The following VAV3 variants were observed in gnomAD, a reference collection of about 807,000 sequenced individuals.
VAV3 encodes the protein guanine nucleotide exchange factor VAV3.
In VAV3, 94 loss-of-function variants were observed where a neutral mutation model predicts 131.2. The observed-to-expected ratio is 0.72, with a 90% CI of 0.61 to 0.85. VAV3 has a LOEUF of 0.85. Among genes scored for constraint, VAV3 ranks in the 40% least tolerant of loss-of-function variants. VAV3 has a pLI of 0.00. For missense variants in VAV3, 939 were observed against 1,002.7 expected (o/e 0.94, Z 0.86); for synonymous variants, 349 against 342.0 (o/e 1.02, Z -0.22).
chr1:107,690,738 CT>C, intron 17 of VAV3, among the ~76,000 whole-genome samples: 1 of 152,154 alleles, frequency 6.6e-6, no homozygotes, highest in East Asian at 1.9e-4. Context: ...TGAAAAGGGG[CT>C]TTGTGCTGGA....
At chr1:107,871,458 C>CA (rs1008503379) in intron 2 of VAV3, among the ~76,000 whole-genome samples, 5 of 151,288 alleles carry the variant, frequency 3.3e-5, no homozygotes, top group Admixed American at 1.3e-4. Flanking sequence ...TCTGCTGACT[C>CA]TTAAATGAGT....
intron 17 of VAV3, among the ~76,000 whole-genome samples, chr1:107,693,818 A>T (rs1659585816): frequency 6.6e-6 from 1 of 152,200 alleles, no homozygotes; most frequent in African/African-American, 2.4e-5. Context: ...ACAGGGGTAG[A>T]GACAGACACC....
intron 2 of VAV3, among the ~76,000 whole-genome samples, chr1:107,848,193 G>A (rs1669055001): frequency 6.6e-6 from 1 of 151,742 alleles, no homozygotes; most frequent in African/African-American, 2.4e-5. Context: ...GGTGCCTGTA[G>A]TCCCAGCTAA....
chr1:107,620,136 A>T (rs1490722354), intron 20 of VAV3, among the ~76,000 whole-genome samples: 1 of 152,190 alleles, frequency 6.6e-6, no homozygotes, highest in Non-Finnish European at 1.5e-5. Context: ...GGCATAAGGG[A>T]TAATCTCTCA....
chr1:107,849,842 G>C (rs1170435192), intron 2 of VAV3, among the ~76,000 whole-genome samples: 1 of 152,132 alleles, frequency 6.6e-6, no homozygotes, highest in Non-Finnish European at 1.5e-5. Context: ...CTAATATCCA[G>C]AATCTACAAG....
intron 2 of VAV3, among the ~76,000 whole-genome samples, chr1:107,820,274 G>A (rs541120380): frequency 2.6e-4 from 40 of 152,188 alleles, no homozygotes; most frequent in South Asian, 1.2e-3. Flanking sequence ...AGTACTATTC[G>A]TCCATAAAAA....
chr1:107,777,082 T>G, intron 4 of VAV3, 149 bp downstream of exon 4: 1 of 716,784 alleles, frequency 1.4e-6, no homozygotes, highest in South Asian at 1.6e-5. Flanking sequence ...TACATTTTCT[T>G]GTAAAGCTTT....
intron 1 of VAV3, among the ~76,000 whole-genome samples, chr1:107,876,380 T>A (rs950996160): frequency 6.6e-6 from 1 of 151,706 alleles, no homozygotes; most frequent in Non-Finnish European, 1.5e-5. Context: ...GACTCCTGAG[T>A]TTTGCTGCAG....
chr1:107,889,132 AGTGTGTGTGTGT>A (rs5776903), intron 1 of VAV3, among the ~76,000 whole-genome samples: 20 of 142,038 alleles, frequency 1.4e-4, no homozygotes, highest in African/African-American at 4.2e-4. Context: ...TCCTGTGTAG[AGTGTGTGTGTGT>A]GTGTGTGTGT....
At chr1:107,732,872 A>G (rs1176557317) in intron 15 of VAV3, among the ~76,000 whole-genome samples, 1 of 152,190 alleles carries the variant, frequency 6.6e-6, no homozygotes, top group African/African-American at 2.4e-5. Context: ...TTCTCCCGGC[A>G]TGGTGTTTGA....
At chr1:107,639,063 A>C (rs1655144717) in intron 20 of VAV3, among the ~76,000 whole-genome samples, 2 of 152,078 alleles carry the variant, frequency 1.3e-5, no homozygotes, top group Admixed American at 1.3e-4. Flanking sequence ...ATTATCTACA[A>C]ACTTACAAAG....
chr1:107,731,539 G>A (rs1662237592), intron 15 of VAV3, among the ~76,000 whole-genome samples: 1 of 152,062 alleles, frequency 6.6e-6, no homozygotes, highest in African/African-American at 2.4e-5. Context: ...AGTGATATTA[G>A]GAAATTATAC....
chr1:107,850,257 A>C (rs1277548998), intron 2 of VAV3, among the ~76,000 whole-genome samples: 3 of 152,178 alleles, frequency 2.0e-5, no homozygotes, highest in African/African-American at 7.2e-5. Context: ...TTCTACTATA[A>C]AGACACATGC....
At chr1:107,807,480 C>A (rs1570981026) in intron 2 of VAV3, among the ~76,000 whole-genome samples, 1 of 152,234 alleles carries the variant, frequency 6.6e-6, no homozygotes, top group South Asian at 2.1e-4. Context: ...TTTGATTCCA[C>A]ATAACACACT....
chr1:107,870,223 T>C (rs755125067), intron 2 of VAV3, among the ~76,000 whole-genome samples: 13 of 152,170 alleles, frequency 8.5e-5, no homozygotes, highest in African/African-American at 1.7e-4. Context: ...CTGTTTTCTA[T>C]AGTGGTTGTA....
At chr1:107,909,500 A>G (rs1013786348) in intron 1 of VAV3, among the ~76,000 whole-genome samples, 32 of 152,358 alleles carry the variant, frequency 2.1e-4, no homozygotes, top group African/African-American at 7.5e-4. Context: ...ATTATCAACA[A>G]TAAGTTTAAA....
intron 19 of VAV3, among the ~76,000 whole-genome samples, chr1:107,645,062 G>A (rs763047651): frequency 8.6e-5 from 13 of 151,658 alleles, no homozygotes; most frequent in Admixed American, 1.3e-4. Flanking sequence ...TATCTTTTCT[G>A]GTATTGCTTT....
At chr1:107,682,746 C>T (rs1468440156) in intron 19 of VAV3, among the ~76,000 whole-genome samples, 1 of 152,160 alleles carries the variant, frequency 6.6e-6, no homozygotes, top group Non-Finnish European at 1.5e-5. Flanking sequence ...GATTATTTTC[C>T]AGCAAAGCTA....
chr1:107,704,777 G>A (rs533107894), intron 16 of VAV3, 127 bp from the exon 17 acceptor site: 113 of 946,984 alleles, frequency 1.2e-4, no homozygotes, highest in Middle Eastern at 2.2e-4. Context: ...AGAGGGAGAC[G>A]AGCTTGCCAG....
Sources: gnomAD v4.1 joint callset for allele counts (sites outside exome capture counted in the v4.1 genomes callset) on GRCh38, gnomAD v4.1.1 for gene constraint, MANE v1.5 for transcripts, NCBI Gene and HGNC (gene_info 2026-07-23, HGNC 2026-07-21) for gene names.